The following LRRFIP2 variants were observed in gnomAD, a reference collection of about 807,000 sequenced individuals.
LRRFIP2 encodes LRR binding FLII interacting protein 2.
Under a neutral mutation model 125.9 loss-of-function variants are expected in LRRFIP2, and 109 were observed. That is an observed-to-expected ratio of 0.87 (90% CI 0.74 to 1.01). The LOEUF is 1.01. Ranked by LOEUF, LRRFIP2 falls within the 50% of genes least tolerant of loss-of-function variation. The pLI is 0.00. For synonymous variants in LRRFIP2, 291 were observed against 293.1 expected, an observed-to-expected ratio of 0.99 and a Z score of 0.07; for missense variants, 850 against 862.3, an observed-to-expected ratio of 0.99 and a Z score of 0.18.
At chr3:37,098,691 C>A (rs1362830897) in intron 15 of LRRFIP2, among the ~76,000 whole-genome samples, 1 of 152,036 alleles carries the variant, frequency 6.6e-6, no homozygotes, top group Admixed American at 6.6e-5. Context: ...CCATGCCTGG[C>A]CTGAAATTTG....
chr3:37,064,660 C>T (rs2089699497), intron 23 of LRRFIP2: 1 of 151,640 alleles, frequency 6.6e-6, no homozygotes. Context: ...TTAGGGCTCA[C>T]TCCTAGCCTG....
intron 9 of LRRFIP2, among the ~76,000 whole-genome samples, chr3:37,110,207 C>G (rs563676168): frequency 6.6e-6 from 1 of 152,256 alleles, no homozygotes; most frequent in East Asian, 1.9e-4. Context: ...ACCTGTTCTT[C>G]AAAACAAGCC....
intron 27 of LRRFIP2, among the ~76,000 whole-genome samples, 177 bp from the exon 28 acceptor site, chr3:37,054,138 A>G (rs1467184519): frequency 2.6e-5 from 4 of 152,214 alleles, no homozygotes; most frequent in African/African-American, 9.6e-5. Context: ...AGGATTGTTT[A>G]TTTGTTTTAA....
intron 4 of LRRFIP2, among the ~76,000 whole-genome samples, chr3:37,121,904 G>A (rs2095065051): frequency 1.3e-5 from 2 of 148,888 alleles, no homozygotes. Flanking sequence ...CAATATAGCA[G>A]TACTAGTTTT....
intron 1 of LRRFIP2, chr3:37,172,831 A>AT (rs2096604150): frequency 6.6e-6 from 1 of 152,186 alleles, no homozygotes; most frequent in Non-Finnish European, 1.5e-5. Context: ...GTCCAGCATA[A>AT]TTTATTATAA....
At chr3:37,122,232 A>G (rs1350177407) in intron 4 of LRRFIP2, among the ~76,000 whole-genome samples, 3 of 151,850 alleles carry the variant, frequency 2.0e-5, no homozygotes, top group African/African-American at 7.2e-5. Flanking sequence ...CCATGTCCCT[A>G]CAAAGGACAT....
chr3:37,097,731 C>G (rs1181878921), intron 15 of LRRFIP2, among the ~76,000 whole-genome samples: 1 of 152,094 alleles, frequency 6.6e-6, no homozygotes, highest in Non-Finnish European at 1.5e-5. Context: ...AAAGTCTAGT[C>G]CAAACCCTGA....
At chr3:37,142,197 G>A (rs1016471448) in intron 2 of LRRFIP2, among the ~76,000 whole-genome samples, 1 of 148,934 alleles carries the variant, frequency 6.7e-6, no homozygotes, top group Non-Finnish European at 1.5e-5. Flanking sequence ...GTTGCCCAGG[G>A]CATGATCCCA....
chr3:37,056,081 A>G (rs2086780061), intron 25 of LRRFIP2, among the ~76,000 whole-genome samples: 1 of 152,198 alleles, frequency 6.6e-6, no homozygotes, highest in Non-Finnish European at 1.5e-5. Context: ...TGGCCTTCCT[A>G]AATCTACCTA....
intron 18 of LRRFIP2, among the ~76,000 whole-genome samples, chr3:37,086,656 C>T (rs1012219429): frequency 6.6e-6 from 1 of 152,024 alleles, no homozygotes; most frequent in Non-Finnish European, 1.5e-5. Flanking sequence ...ATAAAATCTC[C>T]AGAATAGGCG....
At chr3:37,117,481 A>G (rs55665505) in intron 6 of LRRFIP2, among the ~76,000 whole-genome samples, 97 of 152,290 alleles carry the variant, frequency 6.4e-4, no homozygotes, top group African/African-American at 2.0e-3. Context: ...GTTGGCCTTT[A>G]TATTGTTGTA....
intron 1 of LRRFIP2, among the ~76,000 whole-genome samples, chr3:37,151,579 T>C (rs898457663): frequency 1.6e-4 from 25 of 151,770 alleles, no homozygotes; most frequent in Non-Finnish European, 3.4e-4. Flanking sequence ...GAAAACAATA[T>C]GAAGATTTCT....
At chr3:37,071,769 T>C (rs2091226420) in intron 21 of LRRFIP2, among the ~76,000 whole-genome samples, 1 of 152,216 alleles carries the variant, frequency 6.6e-6, no homozygotes, top group African/African-American at 2.4e-5. Flanking sequence ...TGCCCTTCCC[T>C]GACAAGGTAA....
intron 1 of LRRFIP2, chr3:37,170,939 T>C (rs1443197991): frequency 6.6e-6 from 1 of 152,194 alleles, no homozygotes; most frequent in East Asian, 1.9e-4. Flanking sequence ...CCCTGTGTGA[T>C]GATGTATGCA....
intron 16 of LRRFIP2, among the ~76,000 whole-genome samples, chr3:37,095,355 G>A (rs1391104404): frequency 6.6e-6 from 1 of 152,142 alleles, no homozygotes; most frequent in Non-Finnish European, 1.5e-5. Context: ...GTTGATAAAG[G>A]TGAAGATACT....
intron 27 of LRRFIP2, among the ~76,000 whole-genome samples, 171 bp downstream of exon 27, chr3:37,054,240 A>G (rs2086164674): frequency 1.3e-5 from 2 of 152,238 alleles, no homozygotes; most frequent in Non-Finnish European, 2.9e-5. Context: ...ATTGACCAAA[A>G]CATAAAAGTA....
chr3:37,076,506 G>A (rs577722756), intron 19 of LRRFIP2, among the ~76,000 whole-genome samples: 9 of 150,606 alleles, frequency 6.0e-5, no homozygotes, highest in Non-Finnish European at 1.2e-4. Context: ...CCAGCCTGAC[G>A]ACGGAGTGAG....
chr3:37,056,112 C>G (rs890902641), intron 25 of LRRFIP2, among the ~76,000 whole-genome samples: 1 of 152,272 alleles, frequency 6.6e-6, no homozygotes, highest in African/African-American at 2.4e-5. Flanking sequence ...CAAGTGCACA[C>G]AGTGTATGCC....
intron 15 of LRRFIP2, among the ~76,000 whole-genome samples, chr3:37,097,793 T>G (rs974135324): frequency 6.6e-6 from 1 of 152,194 alleles, no homozygotes; most frequent in African/African-American, 2.4e-5. Context: ...TTGCTGAAGG[T>G]TGCAGAGCTG....
Sources: allele counts gnomAD v4.1 joint callset (sites outside exome capture counted in the v4.1 genomes callset), GRCh38; gene constraint gnomAD v4.1.1; transcripts MANE v1.5; gene names NCBI Gene and HGNC (gene_info 2026-07-23, HGNC 2026-07-21).